Variants in GGACT observed in about 807,000 individuals in gnomAD.
The protein encoded by GGACT is gamma-glutamylaminecyclotransferase.
For synonymous variants in GGACT, 118 were observed against 115.3 expected (o/e 1.02, Z -0.15); for missense variants, 241 against 233.2 (o/e 1.03, Z -0.22).
intron 2 of GGACT, among the ~76,000 whole-genome samples, chr13:100,575,051 G>T (rs577654063): frequency 1.3e-5 from 2 of 152,128 alleles, no homozygotes; most frequent in Non-Finnish European, 2.9e-5. Flanking sequence ...TAGAAAGGAA[G>T]GTCTGCCAAT....
intron 2 of GGACT, among the ~76,000 whole-genome samples, chr13:100,574,984 T>C (rs1875206531): frequency 6.6e-6 from 1 of 152,196 alleles, no homozygotes; most frequent in Non-Finnish European, 1.5e-5. Context: ...GCCCATCTGA[T>C]GTCTGTCCTC....
Position 100,532,161 on chromosome 13 carries a change from C to A in GGACT, c.431G>T (p.Gly144Val). Reference protein sequence around the residue: ...HDSYDSEGPHGLRYNPRENR With the variant: ...HDSYDSEGPHVLRYNPRENR Reference sequence around the variant, plus strand: ...GTTCTCCCGGGGGTTGTAGCGCAGCCCGTGCGGCCCCTCGGAGTCGTAGCT... The same window carrying A: ...GTTCTCCCGGGGGTTGTAGCGCAGCACGTGCGGCCCCTCGGAGTCGTAGCT... Residue 144 changes from glycine (G) to valine (V), a missense_variant, in exon 3 of 3, where the codon GGG becomes GTG. By Grantham distance (109) the Gly-to-Val change is moderately radical (BLOSUM62 -3). Coordinates refer to ENST00000683975, the MANE Select transcript of GGACT (RefSeq NM_001195087.2). The A allele has an allele frequency of 6.9e-7, 1 of 1,457,396 alleles. No homozygotes were observed. Among genetic ancestry groups the A allele is most frequent in the Non-Finnish European group, 9.1e-7 (1 of 1,099,474 alleles). 90.3% of individuals were successfully genotyped at this position (1,457,396 alleles called of 1,614,324 possible). A position where few individuals can be genotyped will look rare whatever the true frequency, so the allele number is the denominator to read the frequency against.
intron 2 of GGACT, among the ~76,000 whole-genome samples, chr13:100,532,963 A>G (rs1330807261): frequency 1.3e-5 from 2 of 152,224 alleles, no homozygotes; most frequent in East Asian, 3.8e-4. Flanking sequence ...TGTAGCAGAC[A>G]GGACACCTGC....
intron 2 of GGACT, chr13:100,539,972 T>G (rs745696620): frequency 1.3e-6 from 2 of 1,545,448 alleles, no homozygotes; most frequent in Non-Finnish European, 8.8e-7. Flanking sequence ...GTTCGGTCCT[T>G]GCGGGCTTCA....
At chr13:100,546,646 G>A (rs990918674) in intron 2 of GGACT, among the ~76,000 whole-genome samples, 3 of 152,122 alleles carry the variant, frequency 2.0e-5, no homozygotes, top group Non-Finnish European at 4.4e-5. Flanking sequence ...ACTGCAGCAT[G>A]GGCCTCAGAG....
intron 2 of GGACT, among the ~76,000 whole-genome samples, chr13:100,573,689 C>T (rs935771667): frequency 5.3e-5 from 8 of 151,918 alleles, no homozygotes; most frequent in African/African-American, 1.9e-4. Flanking sequence ...TACTCGAACA[C>T]AGGATCAACA....
chr13:100,569,654 T>C (rs770204276), intron 2 of GGACT, among the ~76,000 whole-genome samples: 1 of 152,258 alleles, frequency 6.6e-6, no homozygotes, highest in African/African-American at 2.4e-5. Flanking sequence ...TGATTAACAT[T>C]TGGCTCTTTG....
intron 2 of GGACT, among the ~76,000 whole-genome samples, chr13:100,571,905 T>C (rs1309620624): frequency 6.6e-6 from 1 of 152,238 alleles, no homozygotes; most frequent in Non-Finnish European, 1.5e-5. Context: ...AATAATGCCT[T>C]GCATATATCT....
chr13:100,569,689 G>T (rs1248024455), intron 2 of GGACT, among the ~76,000 whole-genome samples: 1 of 152,162 alleles, frequency 6.6e-6, no homozygotes, highest in African/African-American at 2.4e-5. Flanking sequence ...TTCTGCAGTG[G>T]GCTTGAATTT....
chr13:100,546,000 C>T lies in GGACT; in HGVS notation c.-10-13399G>A, dbSNP rs1350739004. On this transcript the variant is annotated intron_variant, in intron 2 of 2. Coordinates refer to ENST00000683975, the MANE Select transcript of GGACT (RefSeq NM_001195087.2). This position sits in a 1 kb window ranked among gnomAD's most constrained non-coding sequence, Gnocchi z 4.4. The stretch of plus-strand genomic sequence containing the variant: ...TTCCTCCATCATCAGTAGGTGAAGG[C>T]AGACAGTGTTGATAGAATATGTGCA... 6.6e-6 allele frequency among the ~76,000 whole-genome samples: 1 copy of T among 152,204 alleles called. No individual in the cohort carries two copies. The highest frequency in any genetic ancestry group is 1.5e-5 in the Non-Finnish European group (1 of 68,040).
chr13:100,575,205 T>C (rs1054268048), intron 2 of GGACT, among the ~76,000 whole-genome samples: 1 of 152,212 alleles, frequency 6.6e-6, no homozygotes, highest in Non-Finnish European at 1.5e-5. Flanking sequence ...ACTGAGAGCC[T>C]ATACCATAGC....
At chr13:100,565,284 T>G (rs1216271269) in intron 2 of GGACT, among the ~76,000 whole-genome samples, 3 of 152,210 alleles carry the variant, frequency 2.0e-5, no homozygotes, top group Non-Finnish European at 2.9e-5. Flanking sequence ...TTAACCATCA[T>G]GCTGAAAGAT....
At chr13:100,552,854 G>GAGGAC (rs998228460) in intron 2 of GGACT, among the ~76,000 whole-genome samples, 1 of 152,206 alleles carries the variant, frequency 6.6e-6, no homozygotes, top group African/African-American at 2.4e-5. Context: ...CTGCTGATGA[G>GAGGAC]AGGACACTCT....
At position 100,545,588 on chromosome 13, in the gene GGACT, C is replaced by T. The variant is rs185919507; in HGVS notation, c.-10-12987G>A. 4.5e-4 allele frequency among the ~76,000 whole-genome samples: 69 copies of T among 152,388 alleles called. 1 individual carries two copies. In the East Asian group the frequency reaches 0.013, roughly 28 times the overall value. ...ATTAAGCACACCCTGGGCTGCCTGC[C>T]TGCCTGGCATGTGCCATGGAACTGG... On this transcript the variant is annotated intron_variant, in intron 2 of 2. Transcript: ENST00000683975. The surrounding 1 kb of genome is among the most constrained non-coding windows in gnomAD (Gnocchi z 4.4).
In GGACT at chr13:100,540,171, A is replaced by G. The variant is rs1027618203; in HGVS notation, c.-10-7570T>C. 10 of 1,565,646 alleles carry G rather than the reference A, an allele frequency of 6.4e-6. No individual in the cohort carries two copies. In the African/African-American group the frequency reaches 1.3e-4, roughly 21 times the overall value. ...CGTTGTCCTTGGGCACGCATCGGGC[A>G]CAGTTAGTGCAGCGAATAGGCTGCA... On this transcript the variant is annotated intron_variant, in intron 2 of 2. Transcript: ENST00000683975.
chr13:100,533,639 G>A (rs1400101365), intron 2 of GGACT: 2 of 152,260 alleles, frequency 1.3e-5, no homozygotes, highest in African/African-American at 4.8e-5. Flanking sequence ...ACGCAGCGGA[G>A]CTCAGCACCC....
intron 2 of GGACT, among the ~76,000 whole-genome samples, chr13:100,532,977 C>T (rs2088437582): frequency 6.6e-6 from 1 of 152,190 alleles, no homozygotes; most frequent in Non-Finnish European, 1.5e-5. Context: ...CACCTGCGTT[C>T]TGGGCAGGAG....
At chr13:100,541,763 C>CT (rs1412917658) in intron 2 of GGACT, 2 of 152,282 alleles carry the variant, frequency 1.3e-5, no homozygotes, top group Middle Eastern at 3.4e-3. Flanking sequence ...CAGTAATTGT[C>CT]TTCTGCAGAA....
chr13:100,577,934 T>C (rs1875300922), intron 2 of GGACT, among the ~76,000 whole-genome samples: 1 of 152,042 alleles, frequency 6.6e-6, no homozygotes, highest in Non-Finnish European at 1.5e-5. Context: ...TTGTACCTAA[T>C]TGTTATGAAT....
Sources: allele counts gnomAD v4.1 joint callset (sites outside exome capture counted in the v4.1 genomes callset), GRCh38; gene constraint gnomAD v4.1.1; non-coding constraint Gnocchi (gnomAD v3.1); transcripts MANE v1.5; gene names NCBI Gene and HGNC (gene_info 2026-07-23, HGNC 2026-07-21).